The following TGM4 variants were observed in gnomAD, a reference collection of about 807,000 sequenced individuals.
TGM4 encodes the protein protein-glutamine gamma-glutamyltransferase 4.
In TGM4, 61 loss-of-function variants were observed where a neutral mutation model predicts 76.3. The observed-to-expected ratio is 0.80, with a 90% confidence interval of 0.65 to 0.99. The LOEUF (loss-of-function observed/expected upper bound fraction) is 0.99, where lower values mean the gene tolerates loss of function less well. Among genes scored for constraint, TGM4 ranks in the 50% least tolerant of loss-of-function variants. The pLI is 0.00. For synonymous variants in TGM4, 337 were observed against 329.8 expected, an observed-to-expected ratio of 1.02 and a Z score of -0.24; for missense variants, 794 against 843.2, an observed-to-expected ratio of 0.94 and a Z score of 0.72.
chr3:44,892,591 G>C (rs578089791), intron 4 of TGM4, among the ~76,000 whole-genome samples: 1 of 151,948 alleles, frequency 6.6e-6, no homozygotes. Flanking sequence ...GGCTGGTCTC[G>C]AACTCCTGAC....
At position 44,878,943 on chromosome 3, in the gene TGM4, T is replaced by C. The variant is rs74445121; in HGVS notation, c.19+4246T>C. On this transcript the variant is annotated intron_variant, in intron 1 of 13. Coordinates refer to ENST00000296125, the MANE Select transcript of TGM4 (RefSeq NM_003241.4). ...ATAGTATATAGTTTAGCCCTTTTCA[T>C]CCAAGACTCCGCGTCTCTAAACTGC... 6.9e-3 allele frequency among the ~76,000 whole-genome samples: 1,045 copies of C among 152,228 alleles called. 11 individuals are homozygous for C. Among genetic ancestry groups the C allele is most frequent in the African/African-American group, 0.024 (1,000 of 41,532 alleles).
At chr3:44,899,114 CACA>C (rs1292178165) in intron 6 of TGM4, 1 of 152,238 alleles carries the variant, frequency 6.6e-6, no homozygotes, top group Non-Finnish European at 1.5e-5. Flanking sequence ...CTCAATAACA[CACA>C]ACAAGTGCCC....
chr3:44,896,950 A>G (rs1699787342), intron 6 of TGM4, 134 bp downstream of exon 6: 4 of 601,272 alleles, frequency 6.7e-6, no homozygotes, highest in Non-Finnish European at 1.2e-5. Context: ...GTTCAAAACT[A>G]TTAAGAAATA....
chr3:44,906,026 A>G (rs1699917624), intron 9 of TGM4, among the ~76,000 whole-genome samples: 1 of 152,196 alleles, frequency 6.6e-6, no homozygotes, highest in East Asian at 1.9e-4. Flanking sequence ...TTAAAAGCCC[A>G]CCTAACCTGC....
intron 8 of TGM4, among the ~76,000 whole-genome samples, chr3:44,902,798 T>G (rs1416363640): frequency 6.6e-6 from 1 of 152,114 alleles, no homozygotes; most frequent in Non-Finnish European, 1.5e-5. Flanking sequence ...TCCTTTGTTC[T>G]CTGATCCAGA....
In TGM4 at chr3:44,877,324, G is replaced by A. The variant is rs1038301848; in HGVS notation, c.19+2627G>A. Among the ~76,000 whole-genome samples the A allele has an allele frequency of 5.9e-5, 9 of 152,132 alleles. No homozygotes were observed. The East Asian group carries it at 1.7e-3, about 29-fold the overall frequency. On this transcript the variant is annotated intron_variant, in intron 1 of 13. Coordinates refer to ENST00000296125, the MANE Select transcript of TGM4 (RefSeq NM_003241.4). Reference sequence around the variant, plus strand: ...TTAGCCGGGTGTGGTGGGGTACACCGGTAATCCCAGCTACTTGGGTGACTG... The same window carrying A: ...TTAGCCGGGTGTGGTGGGGTACACCAGTAATCCCAGCTACTTGGGTGACTG...
chr3:44,878,897 T>G (rs1331587204), intron 1 of TGM4, among the ~76,000 whole-genome samples: 3 of 152,188 alleles, frequency 2.0e-5, no homozygotes, highest in East Asian at 3.8e-4. Context: ...CCATTCTTGA[T>G]TCTCTCCTTT....
chr3:44,896,605 G>T, intron 5 of TGM4, 104 bp from the exon 6 acceptor site: 1 of 998,178 alleles, frequency 1.0e-6, no homozygotes. Context: ...AGGGGAGATG[G>T]GTTACGCTAC....
At chr3:44,890,816 T>G (rs937836) in intron 4 of TGM4, 84 bp downstream of exon 4, 16,658 of 1,531,870 alleles carry the variant, frequency 0.011, 181 homozygotes, top group Middle Eastern at 0.049. Context: ...TATGAGCTTT[T>G]GTTTGCTCTC....
chr3:44,877,581 G>T (rs1218748722), intron 1 of TGM4, among the ~76,000 whole-genome samples: 2 of 150,974 alleles, frequency 1.3e-5, no homozygotes, highest in Non-Finnish European at 2.9e-5. Context: ...GACAGGCCAA[G>T]ACTCTGTCTC....
At chr3:44,877,764 T>C (rs1486327164) in intron 1 of TGM4, among the ~76,000 whole-genome samples, 2 of 152,232 alleles carry the variant, frequency 1.3e-5, no homozygotes, top group African/African-American at 4.8e-5. Context: ...TGGCAACATT[T>C]GCTGAAATTA....
Position 44,914,590 on chromosome 3 carries a change from A to ACTTCAAG in TGM4, c.*866_*872dup, listed in dbSNP as rs1273375078. 6.6e-6 allele frequency: 1 copy of ACTTCAAG among 152,130 alleles called. No individual in the cohort carries two copies. The highest frequency in any genetic ancestry group is 1.9e-4 in the East Asian group (1 of 5,194). The allele number at this position is 152,130 out of a possible 1,614,324, so 9.4% of individuals were successfully genotyped here. A position where few individuals can be genotyped will look rare whatever the true frequency, so the allele number is the denominator to read the frequency against. On this transcript the variant is annotated 3_prime_UTR_variant, in exon 14 of 14. Transcript: ENST00000296125. ...ATCAATAAGCTTTAAATTAAACTCTACTTCAAGAAAACTCTGTGGTCCCTG... is the reference window on the plus strand; with the variant it reads ...ATCAATAAGCTTTAAATTAAACTCTACTTCAAGCTTCAAGAAAACTCTGTGGTCCCTG...
At chr3:44,895,061 C>A (rs571063979) in intron 5 of TGM4, among the ~76,000 whole-genome samples, 1 of 151,950 alleles carries the variant, frequency 6.6e-6, no homozygotes, top group Non-Finnish European at 1.5e-5. Context: ...TTTGGGAGGC[C>A]GAAGCAGGCA....
intron 2 of TGM4, among the ~76,000 whole-genome samples, chr3:44,887,055 G>A (rs900395787): frequency 6.6e-6 from 1 of 152,216 alleles, no homozygotes; most frequent in African/African-American, 2.4e-5. Context: ...GCCCTGAGGA[G>A]ACAACACTTG....
At chr3:44,892,737 T>C (rs1403987083) in intron 4 of TGM4, among the ~76,000 whole-genome samples, 1 of 152,154 alleles carries the variant, frequency 6.6e-6, no homozygotes, top group Non-Finnish European at 1.5e-5. Context: ...CAATCTAGAG[T>C]CACATTTTGC....
At chr3:44,898,492 G>A (rs951886210) in intron 6 of TGM4, among the ~76,000 whole-genome samples, 7 of 152,312 alleles carry the variant, frequency 4.6e-5, no homozygotes, top group Non-Finnish European at 7.4e-5. Context: ...TATTATGCAA[G>A]TAGTTTTGAT....
chr3:44,882,352 G>T (rs1019232025), intron 1 of TGM4, among the ~76,000 whole-genome samples: 1 of 152,186 alleles, frequency 6.6e-6, no homozygotes, highest in African/African-American at 2.4e-5. Context: ...GGTGAGGGAG[G>T]AGGCTCCAGT....
intron 6 of TGM4, among the ~76,000 whole-genome samples, chr3:44,900,249 C>T (rs1158525240): frequency 6.6e-6 from 1 of 152,198 alleles, no homozygotes; most frequent in South Asian, 2.1e-4. Flanking sequence ...ACGCAGCAGC[C>T]GGACCAGGGC....
chr3:44,894,896 G>A (rs925862826), intron 5 of TGM4, among the ~76,000 whole-genome samples: 9 of 152,102 alleles, frequency 5.9e-5, no homozygotes, highest in Non-Finnish European at 1.2e-4. Context: ...GGACCAGAGG[G>A]AAATGAAATG....
Sources: allele counts gnomAD v4.1 joint callset (sites outside exome capture counted in the v4.1 genomes callset), GRCh38; gene constraint gnomAD v4.1.1; transcripts MANE v1.5; gene names NCBI Gene and HGNC (gene_info 2026-07-23, HGNC 2026-07-21).